GALR1: variants seen among roughly 807,000 people sequenced by gnomAD.
The protein encoded by GALR1 is galanin receptor type 1.
A neutral mutation model predicts 17.9 loss-of-function variants in GALR1; 11 were observed. The observed-to-expected ratio is 0.62, with a 90% confidence interval of 0.39 to 1.02. GALR1 has a LOEUF of 1.02. Among genes scored for constraint, GALR1 ranks in the 50% least tolerant of loss-of-function variants. The probability of loss-of-function intolerance (pLI) is 0.01; values close to 1 mark genes in which losing one functional copy is unlikely to be tolerated. For missense variants in GALR1, 441 were observed against 456.9 expected, an observed-to-expected ratio of 0.97 and a Z score of 0.32; for synonymous variants, 206 against 205.7, an observed-to-expected ratio of 1.00 and a Z score of -0.01.
In GALR1 at chr18:77,250,940, T is replaced by C; in HGVS notation, c.392T>C (p.Val131Ala). 1.2e-6 allele frequency: 2 copies of C among 1,604,492 alleles called. No individual in the cohort carries two copies. Among genetic ancestry groups the C allele is most frequent in the Non-Finnish European group, 1.7e-6 (2 of 1,179,958 alleles). ...ATCTTCACCCTGGCCGCGATGTCCG[T>C]GGACCGCTACGTGGCCATCGTGCAC... ...VSIFTLAAMS[V>A]DRYVAIVHSR... The change falls in exon 1 of 3, where the codon GTG becomes GCG. Residue 131 changes from valine to alanine, a missense_variant. Transcript: ENST00000299727.
chr18:77,256,020 A>G (rs1912579886), intron 1 of GALR1, 138 bp from the exon 2 acceptor site: 2 of 609,984 alleles, frequency 3.3e-6, no homozygotes, highest in Admixed American at 3.1e-5. Context: ...TTACCTAATT[A>G]CCTAATTTGA....
At position 77,250,624 on chromosome 18, in the gene GALR1, C is replaced by G. The variant is rs780459288; in HGVS notation, c.76C>G (p.Leu26Val). Residue 26 changes from leucine to valine, a missense_variant, in exon 1 of 3, where the codon CTG becomes GTG. Transcript: ENST00000299727. The part of the protein sequence containing the change: ...PEPPAPEPGP[L>V]FGIGVENFVT... ...GCCCCCCGCCCCGGAGCCCGGGCCG[C>G]TGTTCGGCATCGGCGTGGAGAACTT... 6 of 1,587,056 alleles carry G rather than the reference C, an allele frequency of 3.8e-6. No individual in the cohort carries two copies. The highest frequency in any genetic ancestry group is 5.1e-6 in the Non-Finnish European group (6 of 1,169,320).
chr18:77,251,198 G>A lies in GALR1; in HGVS notation c.650G>A (p.Cys217Tyr). The change falls in exon 1 of 3, where the codon TGC becomes TAC. Residue 217 changes from cysteine (C) to tyrosine (Y), a missense_variant. Cys to Tyr is a radical substitution (Grantham distance 194). Transcript: ENST00000299727. ...TACCTGCTGCCGCTCCTGCTCATCT[G>A]CTTCTGCTATGCCAAGGTGCACGCC... ...FGYLLPLLLI[C>Y]FCYAKVLNHL... is the part of the protein sequence containing the mutation. 1 of 1,607,764 alleles carries A rather than the reference G, an allele frequency of 6.2e-7. No individual in the cohort carries two copies.
chr18:77,251,779 T>TC (rs1232957221), intron 1 of GALR1, among the ~76,000 whole-genome samples: 2 of 152,002 alleles, frequency 1.3e-5, no homozygotes, highest in East Asian at 3.9e-4. Context: ...GCGGCCCCTC[T>TC]CCCCCGGGGT....
At chr18:77,260,059 G>A (rs1912794635) in intron 2 of GALR1, among the ~76,000 whole-genome samples, 1 of 152,134 alleles carries the variant, frequency 6.6e-6, no homozygotes, top group African/African-American at 2.4e-5. Context: ...TATAAGTAAA[G>A]TTCCCTTTCT....
chr18:77,253,273 T>G lies in GALR1; in HGVS notation c.666+2059T>G, dbSNP rs568206267. Among the ~76,000 whole-genome samples the G allele has an allele frequency of 7.9e-5, 12 of 152,266 alleles. No homozygotes were observed. In the South Asian group the frequency reaches 2.5e-3, roughly 32 times the overall value. On this transcript the variant is annotated intron_variant, in intron 1 of 2. Coordinates refer to ENST00000299727, the MANE Select transcript of GALR1 (RefSeq NM_001480.4). ...ATTTTATTATTTAAGGAAAAAGAGC[T>G]TTGGAAAGGAACACCTGACCCAGAT... is the stretch of plus-strand genomic sequence containing the variant.
chr18:77,260,763 A>G (rs1355718879), intron 2 of GALR1, among the ~76,000 whole-genome samples: 1 of 152,082 alleles, frequency 6.6e-6, no homozygotes, highest in Non-Finnish European at 1.5e-5. Flanking sequence ...CTTTTCTTAA[A>G]CTCTGCTAGA....
intron 2 of GALR1, among the ~76,000 whole-genome samples, chr18:77,261,731 A>T (rs929748676): frequency 6.6e-6 from 1 of 152,088 alleles, no homozygotes; most frequent in South Asian, 2.1e-4. Context: ...AGCATTTTTT[A>T]TTGCCTTTAA....
chr18:77,252,059 C>CTG (rs1912431300), intron 1 of GALR1, among the ~76,000 whole-genome samples: 1 of 152,192 alleles, frequency 6.6e-6, no homozygotes, highest in South Asian at 2.1e-4. Context: ...TTCACCCTAA[C>CTG]TGTAGCAGAG....
intron 1 of GALR1, among the ~76,000 whole-genome samples, chr18:77,251,470 T>G (rs1912414904): frequency 6.6e-6 from 1 of 152,214 alleles, no homozygotes; most frequent in Non-Finnish European, 1.5e-5. Context: ...CTTCGCATGG[T>G]CCAGTAGAAC....
chr18:77,270,526 A>ATGTGTGTG lies in GALR1; in HGVS notation c.*1625_*1626insGTGTGTGT, dbSNP rs1281353413. On this transcript the variant is annotated 3_prime_UTR_variant, in exon 3 of 3. Coordinates refer to ENST00000299727, the MANE Select transcript of GALR1 (RefSeq NM_001480.4). ...AAGACTCTGTCTAAAATATATATAT[A>ATGTGTGTG]TATGTGTGTGTGTGTGTGTGTGTGT... The ATGTGTGTG allele has an allele frequency of 8.7e-6, 1 of 115,574 alleles. No individual in the cohort carries two copies. The highest frequency in any genetic ancestry group is 3.1e-5 in the African/African-American group (1 of 32,426). 7.2% of individuals were successfully genotyped at this position (115,574 alleles called of 1,614,324 possible).
At position 77,250,914 on chromosome 18, in the gene GALR1, C is replaced by T. The variant is rs747425503; in HGVS notation, c.366C>T (p.Ser122=). ...HYFFTVSMLV[S]IFTLAAMSVD... is the part of the protein sequence containing the mutation. ...TCTTCACCGTGTCCATGCTGGTGAG[C>T]ATCTTCACCCTGGCCGCGATGTCCG... Residue 122 remains serine, a synonymous_variant, in exon 1 of 3, where the codon AGC becomes AGT. Coordinates refer to ENST00000299727, the MANE Select transcript of GALR1 (RefSeq NM_001480.4). The T allele has an allele frequency of 3.1e-6, 5 of 1,605,890 alleles. No homozygotes were observed. Among genetic ancestry groups the T allele is most frequent in the South Asian group, 1.1e-5 (1 of 91,092 alleles).
chr18:77,252,965 CCACCAT>C lies in GALR1; in HGVS notation c.666+1757_666+1762del, dbSNP rs780267550. Among the ~76,000 whole-genome samples, 234 of 49,426 alleles carry C rather than the reference CCACCAT, an allele frequency of 4.7e-3. 4 individuals are homozygous for C. The highest frequency in any genetic ancestry group is 0.017 in the Middle Eastern group (2 of 118). 32.4% of individuals were successfully genotyped at this position (49,426 alleles called of 152,430 possible). ...ACCACCACCATCACCACCATCACCA[CCACCAT>C]CACCACCATCACCACCATCACCACC... On this transcript the variant is annotated intron_variant, in intron 1 of 2. Transcript: ENST00000299727.
At chr18:77,257,433 A>G (rs1912615881) in intron 2 of GALR1, among the ~76,000 whole-genome samples, 1 of 152,198 alleles carries the variant, frequency 6.6e-6, no homozygotes, top group South Asian at 2.1e-4. Context: ...AATTATTATG[A>G]ATATTTCATT....
chr18:77,257,328 A>G (rs62105211), intron 2 of GALR1, among the ~76,000 whole-genome samples: 2,507 of 152,302 alleles, frequency 0.016, 28 homozygotes, highest in Non-Finnish European at 0.026. Context: ...GCAATCATAC[A>G]GTGTTTAGGA....
intron 2 of GALR1, among the ~76,000 whole-genome samples, chr18:77,259,241 G>C (rs1205475651): frequency 5.5e-5 from 6 of 108,930 alleles, no homozygotes; most frequent in African/African-American, 2.2e-4. Context: ...GGTGGATGGT[G>C]GTGGTGGTCA....
At chr18:77,252,893 C>T (rs1568138997) in intron 1 of GALR1, among the ~76,000 whole-genome samples, 20 of 84,464 alleles carry the variant, frequency 2.4e-4, no homozygotes, top group East Asian at 3.5e-4. Flanking sequence ...ACCACCACCA[C>T]CATCACCACC....
In GALR1 at chr18:77,274,446, G is replaced by A. The variant is rs777584553; in HGVS notation, c.*5544G>A. ...CACTGTGTAAGTGTCGTTCCCCTAG[G>A]ACTTCTGCAATGGGATACCAAAGAT... On this transcript the variant is annotated 3_prime_UTR_variant, in exon 3 of 3. Transcript: ENST00000299727. The A allele has an allele frequency of 6.6e-6, 1 of 152,240 alleles. No homozygotes were observed. Among genetic ancestry groups the A allele is most frequent in the Non-Finnish European group, 1.5e-5 (1 of 68,118 alleles). The allele number at this position is 152,240 out of a possible 1,614,324, so 9.4% of individuals were successfully genotyped here.
chr18:77,272,102 T>C lies in GALR1; in HGVS notation c.*3200T>C, dbSNP rs1259102928. ...CCCAATCTCTTGTGCTTTTATCTTT[T>C]TTATCCTAACTCACTTCTATCCAGA... On this transcript the variant is annotated 3_prime_UTR_variant, in exon 3 of 3. Transcript: ENST00000299727. The C allele has an allele frequency of 6.6e-6, 1 of 152,272 alleles. No individual in the cohort carries two copies. The highest frequency in any genetic ancestry group is 1.5e-5 in the Non-Finnish European group (1 of 68,052). 9.4% of individuals were successfully genotyped at this position (152,272 alleles called of 1,614,324 possible).
Sources: allele counts gnomAD v4.1 joint callset (sites outside exome capture counted in the v4.1 genomes callset), GRCh38; gene constraint gnomAD v4.1.1; transcripts MANE v1.5; gene names NCBI Gene and HGNC (gene_info 2026-07-23, HGNC 2026-07-21).